The following NELL2 variants were observed in gnomAD, a reference collection of about 807,000 sequenced individuals.
The protein encoded by NELL2 is protein kinase C-binding protein NELL2.
A neutral mutation model predicts 109.6 loss-of-function variants in NELL2; 41 were observed. The ratio of observed to expected loss-of-function variants is 0.37; its 90% CI spans 0.29 to 0.49. The LOEUF is 0.49. Ranked by LOEUF, NELL2 falls within the 20% of genes least tolerant of loss-of-function variation. NELL2 has a pLI of 0.98. For synonymous variants in NELL2, 355 were observed against 344.7 expected, an observed-to-expected ratio of 1.03 and a Z score of -0.33; for missense variants, 900 against 1,008.3, an observed-to-expected ratio of 0.89 and a Z score of 1.45.
At chr12:44,696,951 T>C (rs966589664) in intron 12 of NELL2, among the ~76,000 whole-genome samples, 9 of 152,178 alleles carry the variant, frequency 5.9e-5, no homozygotes, top group Non-Finnish European at 1.5e-5. Flanking sequence ...AATTAATAAA[T>C]AACACAGTAT....
At chr12:44,768,772 A>G (rs1328098200) in intron 9 of NELL2, among the ~76,000 whole-genome samples, 1 of 152,088 alleles carries the variant, frequency 6.6e-6, no homozygotes, top group Non-Finnish European at 1.5e-5. Flanking sequence ...TCATTATTAC[A>G]TAATTCCTCT....
chr12:44,609,790 C>T (rs927263649), intron 14 of NELL2, among the ~76,000 whole-genome samples: 3 of 152,006 alleles, frequency 2.0e-5, no homozygotes. Context: ...TAAGACACTG[C>T]GTTAACAACT....
At chr12:44,587,271 C>CAAAAAAAAAAAAAAAAA in intron 15 of NELL2, among the ~76,000 whole-genome samples, 1 of 28,114 alleles carries the variant, frequency 3.6e-5, no homozygotes, top group Non-Finnish European at 5.6e-5. Flanking sequence ...GACTCCGTCT[C>CAAAAAAAAAAAAAAAAA]AAAAAAAAAA....
At chr12:44,523,854 G>T (rs1041478167) in intron 16 of NELL2, among the ~76,000 whole-genome samples, 1 of 152,114 alleles carries the variant, frequency 6.6e-6, no homozygotes, top group South Asian at 2.1e-4. Context: ...ACTTTAATGG[G>T]GATATCATCC....
chr12:44,586,880 C>A (rs117385088), intron 15 of NELL2, among the ~76,000 whole-genome samples: 3,924 of 152,276 alleles, frequency 0.026, 81 homozygotes, highest in Non-Finnish European at 0.039. Context: ...GCACTCAATA[C>A]ACATGTGTGA....
chr12:44,559,101 TA>T (rs1218085298), intron 15 of NELL2, among the ~76,000 whole-genome samples: 1 of 151,974 alleles, frequency 6.6e-6, no homozygotes, highest in Non-Finnish European at 1.5e-5. Flanking sequence ...GAAGGAGAAA[TA>T]AAATCCTTTA....
chr12:44,733,383 G>A (rs115963972), intron 9 of NELL2, among the ~76,000 whole-genome samples: 1,985 of 152,046 alleles, frequency 0.013, 36 homozygotes, highest in African/African-American at 0.041. Flanking sequence ...CCTTTAAAAT[G>A]AAGGAAATCA....
intron 1 of NELL2, among the ~76,000 whole-genome samples, chr12:44,894,151 A>C (rs562993565): frequency 6.6e-6 from 1 of 152,312 alleles, no homozygotes; most frequent in Admixed American, 6.5e-5. Flanking sequence ...AATCATAAAA[A>C]ACAAAAAGTT....
At chr12:44,591,330 G>A (rs1230037909) in intron 15 of NELL2, among the ~76,000 whole-genome samples, 8 of 152,124 alleles carry the variant, frequency 5.3e-5, no homozygotes, top group African/African-American at 1.9e-4. Flanking sequence ...GCACCCCCAT[G>A]TTTACTGCAG....
chr12:44,572,193 T>C (rs1466792173), intron 15 of NELL2, among the ~76,000 whole-genome samples: 1 of 152,168 alleles, frequency 6.6e-6, no homozygotes, highest in Non-Finnish European at 1.5e-5. Context: ...CCAGGCTGGA[T>C]TGCAGTAGTA....
chr12:44,799,133 T>C (rs1009668438), intron 3 of NELL2, among the ~76,000 whole-genome samples: 1 of 151,800 alleles, frequency 6.6e-6, no homozygotes, highest in African/African-American at 2.4e-5. Context: ...TAATTTTTTA[T>C]ATTTTTAGTA....
At chr12:44,861,065 C>A (rs941321756) in intron 2 of NELL2, among the ~76,000 whole-genome samples, 2 of 152,160 alleles carry the variant, frequency 1.3e-5, no homozygotes, top group Non-Finnish European at 2.9e-5. Context: ...TAACAATATA[C>A]CATCACAAAA....
upstream of NELL2, among the ~76,000 whole-genome samples, chr12:44,877,544 T>A (rs1945360454): frequency 6.6e-6 from 1 of 151,906 alleles, no homozygotes; most frequent in African/African-American, 2.4e-5. Flanking sequence ...TACTAACAGC[T>A]ACAGTTACCA....
chr12:44,788,141 T>C (rs190136396), intron 3 of NELL2, among the ~76,000 whole-genome samples: 9 of 152,228 alleles, frequency 5.9e-5, no homozygotes, highest in Non-Finnish European at 1.3e-4. Flanking sequence ...AATGGTATCA[T>C]TATGGCGATG....
chr12:44,874,311 TA>T (rs1324304623), intron 2 of NELL2, among the ~76,000 whole-genome samples: 1 of 152,198 alleles, frequency 6.6e-6, no homozygotes, highest in East Asian at 1.9e-4. Flanking sequence ...TTAGATATGT[TA>T]AACCAAACTC....
At chr12:44,771,633 C>T (rs1434084898) in intron 9 of NELL2, among the ~76,000 whole-genome samples, 1 of 152,158 alleles carries the variant, frequency 6.6e-6, no homozygotes, top group Non-Finnish European at 1.5e-5. Context: ...AACTCCAGCA[C>T]ACTATTTTAA....
At chr12:44,684,847 C>G (rs1948659461) in intron 12 of NELL2, among the ~76,000 whole-genome samples, 1 of 152,020 alleles carries the variant, frequency 6.6e-6, no homozygotes, top group Non-Finnish European at 1.5e-5. Context: ...ACTATGTGGT[C>G]AGTTTTGGGA....
intron 9 of NELL2, among the ~76,000 whole-genome samples, chr12:44,754,924 CA>C (rs1940816978): frequency 6.6e-6 from 1 of 152,220 alleles, no homozygotes; most frequent in African/African-American, 2.4e-5. Flanking sequence ...GCTAATTCAA[CA>C]AAAACTCAAA....
intron 15 of NELL2, among the ~76,000 whole-genome samples, chr12:44,573,751 G>A (rs929164206): frequency 6.6e-6 from 1 of 152,178 alleles, no homozygotes; most frequent in Non-Finnish European, 1.5e-5. Flanking sequence ...TTCAGTTAAG[G>A]GTAACTGAGG....
Sources: gnomAD v4.1 joint callset for allele counts (sites outside exome capture counted in the v4.1 genomes callset) on GRCh38, gnomAD v4.1.1 for gene constraint, MANE v1.5 for transcripts, NCBI Gene and HGNC (gene_info 2026-07-23, HGNC 2026-07-21) for gene names.